Variants in NUP188 observed in about 807,000 individuals in gnomAD.
The protein encoded by NUP188 is nucleoporin NUP188.
A neutral mutation model predicts 223.0 loss-of-function variants in NUP188; 97 were observed. The observed-to-expected ratio is 0.43, with a 90% confidence interval of 0.37 to 0.51. NUP188 has a LOEUF of 0.51. Among genes scored for constraint, NUP188 ranks in the 20% least tolerant of loss-of-function variants. NUP188 has a pLI of 0.00. For synonymous variants in NUP188, 869 were observed against 828.0 expected (o/e 1.05, Z -0.85); for missense variants, 1,947 against 2,175.6 (o/e 0.89, Z 2.09).
intron 8 of NUP188, among the ~76,000 whole-genome samples, chr9:128,966,416 G>A (rs1468121300): frequency 6.6e-6 from 1 of 151,242 alleles, no homozygotes; most frequent in African/African-American, 2.4e-5. Flanking sequence ...TTTCTCTGTT[G>A]CCCAGGCTGG....
intron 12 of NUP188, among the ~76,000 whole-genome samples, chr9:128,977,073 A>G (rs1468758529): frequency 1.3e-5 from 2 of 151,716 alleles, no homozygotes; most frequent in African/African-American, 4.8e-5. Flanking sequence ...ACCCCATCTC[A>G]ACAACAACCA....
At chr9:128,950,292 G>C (rs1164170790) in intron 2 of NUP188, among the ~76,000 whole-genome samples, 1 of 152,008 alleles carries the variant, frequency 6.6e-6, no homozygotes, top group African/African-American at 2.4e-5. Flanking sequence ...CACGATCTTG[G>C]CTCACTGCAA....
At position 129,006,636 on chromosome 9, in the gene NUP188, G is replaced by C; in HGVS notation, c.5208G>C (p.Leu1736=). The C allele has an allele frequency of 1.2e-6, 2 of 1,614,172 alleles. No homozygotes were observed. Among genetic ancestry groups the C allele is most frequent in the Non-Finnish European group, 1.7e-6 (2 of 1,180,034 alleles). The change falls in exon 44 of 44, where the codon CTG becomes CTC. Residue 1736 remains leucine, a synonymous_variant. Coordinates refer to ENST00000372577, the MANE Select transcript of NUP188 (RefSeq NM_015354.3). ...CCAGCCCTGAGAGTCAGGAGCCTCTGATCCAGTTGGTGCAGGCGTTTGTCC... is the reference window on the plus strand; with the variant it reads ...CCAGCCCTGAGAGTCAGGAGCCTCTCATCCAGTTGGTGCAGGCGTTTGTCC... ...SKASPESQEP[L]IQLVQAFVRH...
chr9:128,952,659 G>T, intron 2 of NUP188, 114 bp from the exon 3 acceptor site: 2 of 744,978 alleles, frequency 2.7e-6, no homozygotes, highest in South Asian at 3.2e-5. Context: ...GGAGGCGGAG[G>T]TTGCAGTCAG....
chr9:128,993,560 A>T lies in NUP188; in HGVS notation c.2883A>T (p.Ala961=). 1 of 1,614,154 alleles carries T rather than the reference A, an allele frequency of 6.2e-7. No individual in the cohort carries two copies. Among genetic ancestry groups the T allele is most frequent in the Non-Finnish European group, 8.5e-7 (1 of 1,180,022 alleles). ...TTGGGATGTGGAGCTGTCTCCATGC[A>T]GTGCTGGAGCTGATTGATTCCCAAC... is the stretch of plus-strand genomic sequence containing the variant. ...FSLGMWSCLH[A]VLELIDSQQQ... is the part of the protein sequence containing the mutation. The change falls in exon 27 of 44, where the codon GCA becomes GCT. Residue 961 remains alanine, a synonymous_variant. Transcript: ENST00000372577.
Position 128,986,544 on chromosome 9 carries a change from A to T in NUP188, c.2077-14A>T. 1 of 1,611,820 alleles carries T rather than the reference A, an allele frequency of 6.2e-7. No homozygotes were observed. The highest frequency in any genetic ancestry group is 8.5e-7 in the Non-Finnish European group (1 of 1,178,958). On this transcript the variant is annotated splice_polypyrimidine_tract_variant and intron_variant, in intron 20 of 43. Transcript: ENST00000372577. The stretch of plus-strand genomic sequence containing the variant: ...TTAAATGTGCGGAAGTCCTCACTGC[A>T]TGGTTTCTTGTAGGGGCAACTTGGT...
chr9:128,970,309 GT>G, intron 10 of NUP188, among the ~76,000 whole-genome samples: 1 of 152,268 alleles, frequency 6.6e-6, no homozygotes, highest in South Asian at 2.1e-4. Context: ...AATTGAGTCT[GT>G]GAGAGTGATT....
At chr9:128,947,875 C>T in intron 1 of NUP188, 124 bp downstream of exon 1, 1 of 937,364 alleles carries the variant, frequency 1.1e-6, no homozygotes. Context: ...GCTGGATGGA[C>T]GGGCACCGAG....
chr9:128,949,484 C>T (rs1417102086), intron 2 of NUP188, among the ~76,000 whole-genome samples: 2 of 151,780 alleles, frequency 1.3e-5, no homozygotes, highest in Admixed American at 6.6e-5. Context: ...AGGCATGCAC[C>T]ACCACGCCCG....
intron 8 of NUP188, among the ~76,000 whole-genome samples, chr9:128,966,766 G>A (rs780019906): frequency 4.6e-5 from 7 of 152,020 alleles, no homozygotes; most frequent in Non-Finnish European, 1.0e-4. Context: ...CTTGGTGATT[G>A]TACCTGTACA....
chr9:128,970,568 G>C (rs1332802993), intron 10 of NUP188, among the ~76,000 whole-genome samples, 190 bp from the exon 11 acceptor site: 3 of 152,120 alleles, frequency 2.0e-5, no homozygotes, highest in Non-Finnish European at 4.4e-5. Context: ...AATTTTGTGG[G>C]TAAAGGAAGA....
intron 2 of NUP188, among the ~76,000 whole-genome samples, chr9:128,952,107 A>G (rs2031936304): frequency 6.6e-6 from 1 of 152,086 alleles, no homozygotes; most frequent in Non-Finnish European, 1.5e-5. Context: ...CTGATTATTA[A>G]TAAAACTGCA....
At position 128,990,127 on chromosome 9, in the gene NUP188, T is replaced by C. The variant is rs2131174232; in HGVS notation, c.2541T>C (p.His847=). 1.2e-6 allele frequency: 2 copies of C among 1,613,032 alleles called. No homozygotes were observed. Among genetic ancestry groups the C allele is most frequent in the Admixed American group, 3.3e-5 (2 of 60,008 alleles). ...LEQALSQHGA[H]GNNLIAVLAK... is the part of the protein sequence containing the mutation. ...TTTCCTGTGCTGCTTTAGGTGCTCATGGAAACAACCTCATTGCTGTTCTAG... is the reference window on the plus strand; with the variant it reads ...TTTCCTGTGCTGCTTTAGGTGCTCACGGAAACAACCTCATTGCTGTTCTAG... The change falls in exon 25 of 44, where the codon CAT becomes CAC. Residue 847 remains histidine, a synonymous_variant. Transcript: ENST00000372577.
intron 38 of NUP188, chr9:129,004,678 G>A (rs1223616850): frequency 1.3e-5 from 2 of 155,966 alleles, no homozygotes; most frequent in African/African-American, 4.8e-5. Flanking sequence ...CTAATTTTTT[G>A]TATTTTTAGT....
In NUP188 at chr9:128,993,237, C is replaced by T. The variant is rs202117948; in HGVS notation, c.2681C>T (p.Ala894Val). 5.6e-6 allele frequency: 9 copies of T among 1,614,108 alleles called. No homozygotes were observed. The highest frequency in any genetic ancestry group is 6.8e-6 in the Non-Finnish European group (8 of 1,179,972). ...MSVYACLGND[A>V]AAIRDAFLTR... ...GTGTATGCTTGTCTGGGCAATGATGCGGCTGCCATTCGTGATGCCTTCCTG... is the reference window on the plus strand; with the variant it reads ...GTGTATGCTTGTCTGGGCAATGATGTGGCTGCCATTCGTGATGCCTTCCTG... The change falls in exon 26 of 44, where the codon GCG becomes GTG. Residue 894 changes from alanine (A) to valine (V), a missense_variant. Physicochemically the swap from Ala to Val is moderately conservative, Grantham distance 64. Around this residue, in one of 3 missense-constraint regions of NUP188, gnomAD observed 225 missense variants for 319.1 expected, o/e 0.71. Coordinates refer to ENST00000372577, the MANE Select transcript of NUP188 (RefSeq NM_015354.3).
intron 6 of NUP188, 54 bp from the exon 7 acceptor site, chr9:128,958,748 T>TG: frequency 1.0e-6 from 1 of 955,696 alleles, no homozygotes; most frequent in South Asian, 2.0e-5. Context: ...AATTTAAACT[T>TG]GAGTTTCCTA....
chr9:129,002,587 G>A (rs1279261886), intron 36 of NUP188, among the ~76,000 whole-genome samples: 4 of 152,262 alleles, frequency 2.6e-5, no homozygotes, highest in Non-Finnish European at 5.9e-5. Context: ...CGCATAGCTC[G>A]TCAGTGGCAG....
At chr9:128,964,620 C>T (rs1008503975) in intron 8 of NUP188, among the ~76,000 whole-genome samples, 1 of 150,832 alleles carries the variant, frequency 6.6e-6, no homozygotes, top group African/African-American at 2.4e-5. Flanking sequence ...ATTTATCTGC[C>T]TTGGCGCCTC....
chr9:128,975,405 G>A lies in NUP188; in HGVS notation c.1203+2156G>A, dbSNP rs576678715. On this transcript the variant is annotated intron_variant, in intron 12 of 43. Transcript: ENST00000372577. ...TGCCTGGCTTTTTTTTGTATTTTTAGTAGAGATGGGGTTTCACCGTGTTAG... is the reference window on the plus strand; with the variant it reads ...TGCCTGGCTTTTTTTTGTATTTTTAATAGAGATGGGGTTTCACCGTGTTAG... Among the ~76,000 whole-genome samples the A allele has an allele frequency of 2.2e-3, 331 of 151,496 alleles. 4 individuals carry two copies. The highest frequency in any genetic ancestry group is 7.5e-3 in the African/African-American group (311 of 41,304).
Sources: gnomAD v4.1 joint callset for allele counts (sites outside exome capture counted in the v4.1 genomes callset) on GRCh38, gnomAD v4.1.1 for gene constraint, gnomAD v4.1.1 regional missense constraint, MANE v1.5 for transcripts, NCBI Gene and HGNC (gene_info 2026-07-23, HGNC 2026-07-21) for gene names.